The following TBC1D8 variants were observed in gnomAD, a reference collection of about 807,000 sequenced individuals.
TBC1D8 encodes TBC1 domain family member 8.
In TBC1D8, 65 loss-of-function variants were observed where a neutral mutation model predicts 118.8. The ratio of observed to expected loss-of-function variants is 0.55; its 90% CI spans 0.45 to 0.67. The LOEUF is 0.67. Among genes scored for constraint, TBC1D8 ranks in the 30% least tolerant of loss-of-function variants. The pLI, the probability that TBC1D8 is intolerant of heterozygous loss-of-function variation, is 0.00. For missense variants in TBC1D8, 1,376 were observed against 1,471.2 expected, an observed-to-expected ratio of 0.94 and a Z score of 1.06; for synonymous variants, 566 against 595.8, an observed-to-expected ratio of 0.95 and a Z score of 0.73.
chr2:101,054,402 A>T, intron 3 of TBC1D8, 66 bp from the exon 4 acceptor site: 1 of 1,512,188 alleles, frequency 6.6e-7, no homozygotes, highest in Non-Finnish European at 8.9e-7. Context: ...GGTGCAAGGG[A>T]CAGGAAGCAG....
intron 5 of TBC1D8, among the ~76,000 whole-genome samples, chr2:101,041,997 C>G (rs988940190): frequency 6.6e-6 from 1 of 151,838 alleles, no homozygotes; most frequent in African/African-American, 2.4e-5. Flanking sequence ...TGCACTCTAG[C>G]CTGGGCGACA....
intron 1 of TBC1D8, among the ~76,000 whole-genome samples, chr2:101,129,618 G>C (rs1678499717): frequency 6.6e-6 from 1 of 152,064 alleles, no homozygotes; most frequent in Non-Finnish European, 1.5e-5. Flanking sequence ...GCTAGAAAGG[G>C]CTAGCCCAAG....
At chr2:101,026,931 T>C (rs1680371286) in intron 15 of TBC1D8, among the ~76,000 whole-genome samples, 1 of 152,206 alleles carries the variant, frequency 6.6e-6, no homozygotes, top group Admixed American at 6.5e-5. Flanking sequence ...AATATGAACT[T>C]GAATGCATAT....
chr2:101,086,786 C>A (rs1212035790), intron 2 of TBC1D8, among the ~76,000 whole-genome samples: 1 of 152,038 alleles, frequency 6.6e-6, no homozygotes. Context: ...AAAAAAATTT[C>A]TTTTTTTCTT....
intron 4 of TBC1D8, among the ~76,000 whole-genome samples, chr2:101,053,706 A>G (rs1260579803): frequency 6.6e-6 from 1 of 152,210 alleles, no homozygotes; most frequent in Non-Finnish European, 1.5e-5. Flanking sequence ...AAGCGACTGC[A>G]TATCCAGCCA....
chr2:101,014,529 A>G (rs140922025), intron 17 of TBC1D8, among the ~76,000 whole-genome samples: 39 of 152,322 alleles, frequency 2.6e-4, no homozygotes, highest in South Asian at 2.1e-4. Context: ...AAATCTTTAG[A>G]ATGACTGTTT....
chr2:101,081,546 G>A (rs1382998764), intron 2 of TBC1D8, among the ~76,000 whole-genome samples: 1 of 152,118 alleles, frequency 6.6e-6, no homozygotes, highest in Non-Finnish European at 1.5e-5. Context: ...AGTTTTTCAT[G>A]AAAGGCAACC....
At chr2:101,075,407 T>A (rs1032517865) in intron 2 of TBC1D8, among the ~76,000 whole-genome samples, 33 of 99,112 alleles carry the variant, frequency 3.3e-4, no homozygotes, top group African/African-American at 5.4e-4. Flanking sequence ...AAAAAAAAAA[T>A]GTCATAGAAG....
chr2:101,071,833 A>C (rs1270749775), intron 2 of TBC1D8, among the ~76,000 whole-genome samples: 2 of 152,220 alleles, frequency 1.3e-5, no homozygotes, highest in Non-Finnish European at 2.9e-5. Context: ...ATCTAAAATA[A>C]AGGTACTACA....
chr2:101,093,827 A>G (rs894830855), intron 1 of TBC1D8, among the ~76,000 whole-genome samples: 1 of 151,912 alleles, frequency 6.6e-6, no homozygotes, highest in Non-Finnish European at 1.5e-5. Flanking sequence ...CTCCTGCCTC[A>G]GCAACCCAAG....
intron 3 of TBC1D8, 28 bp downstream of exon 3, chr2:101,059,393 G>A: frequency 6.6e-7 from 1 of 1,521,406 alleles, no homozygotes; most frequent in South Asian, 1.1e-5. Flanking sequence ...GGAAAGATGG[G>A]GAGAAACATG....
chr2:101,041,123 A>G (rs1681361894), intron 5 of TBC1D8, among the ~76,000 whole-genome samples: 1 of 152,228 alleles, frequency 6.6e-6, no homozygotes, highest in Admixed American at 6.5e-5. Context: ...ATGTTGGTAA[A>G]CAGTCTGGAA....
intron 1 of TBC1D8, among the ~76,000 whole-genome samples, chr2:101,122,405 A>AAAAAAAAAAAAAAAAAC: frequency 6.9e-6 from 1 of 145,482 alleles, no homozygotes; most frequent in Non-Finnish European, 1.5e-5. Flanking sequence ...AAAAAAAAAA[A>AAAAAAAAAAAAAAAAAC]AAAAAAGCAT....
At chr2:101,111,919 A>T (rs1450279078) in intron 1 of TBC1D8, among the ~76,000 whole-genome samples, 2 of 109,210 alleles carry the variant, frequency 1.8e-5, no homozygotes, top group African/African-American at 3.0e-5. Flanking sequence ...ATAGTTTTAA[A>T]AAAAAAAAAA....
At chr2:101,146,962 C>T (rs531411921) in intron 1 of TBC1D8, among the ~76,000 whole-genome samples, 23 of 152,304 alleles carry the variant, frequency 1.5e-4, no homozygotes, top group South Asian at 4.1e-4. Context: ...CAGTATTTGT[C>T]TTTCTGTGCC....
intron 5 of TBC1D8, among the ~76,000 whole-genome samples, chr2:101,044,858 CTT>C (rs1483991957): frequency 2.6e-5 from 4 of 152,208 alleles, no homozygotes; most frequent in Non-Finnish European, 5.9e-5. Context: ...ATGGGATTCT[CTT>C]GTCTCAGCCT....
intron 3 of TBC1D8, among the ~76,000 whole-genome samples, chr2:101,058,502 C>T (rs1682569315): frequency 6.6e-6 from 1 of 152,028 alleles, no homozygotes; most frequent in Non-Finnish European, 1.5e-5. Context: ...AATGAGAAAC[C>T]ATCTCTCCCA....
At chr2:101,063,467 C>T (rs796587550) in intron 2 of TBC1D8, among the ~76,000 whole-genome samples, 8 of 152,250 alleles carry the variant, frequency 5.3e-5, no homozygotes, top group African/African-American at 1.9e-4. Context: ...TAATTGTATG[C>T]TTCTCCCAGC....
rs188205470 is a variant in TBC1D8 at position 101,028,521 on chromosome 2, C to G, written c.2223-89G>C. The G allele has an allele frequency of 2.0e-6, 3 of 1,468,800 alleles. No individual in the cohort carries two copies. In the East Asian group the frequency reaches 6.9e-5, roughly 34 times the overall value. 91.0% of individuals were successfully genotyped at this position (1,468,800 alleles called of 1,614,324 possible). ...CTTCACAGTGTCAGACATGCCAGGG[C>G]ACTTCCAAACACCAACACCTGGGAG... On this transcript the variant is annotated intron_variant, in intron 12 of 19. Coordinates refer to ENST00000409318, the MANE Select transcript of TBC1D8 (RefSeq NM_001330348.2).
Sources: gnomAD v4.1 joint callset for allele counts (sites outside exome capture counted in the v4.1 genomes callset) on GRCh38, gnomAD v4.1.1 for gene constraint, MANE v1.5 for transcripts, NCBI Gene and HGNC (gene_info 2026-07-23, HGNC 2026-07-21) for gene names.